Variants in SLC15A2 observed in about 807,000 individuals in gnomAD.
The protein encoded by SLC15A2 is kidney H(+)/peptide cotransporter.
A neutral mutation model predicts 95.5 loss-of-function variants in SLC15A2; 77 were observed. The observed-to-expected ratio is 0.81, with a 90% CI of 0.67 to 0.97. The LOEUF is 0.97. Among genes scored for constraint, SLC15A2 ranks in the 50% least tolerant of loss-of-function variants. The pLI is 0.00. For synonymous variants in SLC15A2, 306 were observed against 306.9 expected, an observed-to-expected ratio of 1.00 and a Z score of 0.03; for missense variants, 893 against 874.4, an observed-to-expected ratio of 1.02 and a Z score of -0.27.
chr3:121,936,414 G>T (rs1246778256), intron 19 of SLC15A2, among the ~76,000 whole-genome samples: 4 of 152,094 alleles, frequency 2.6e-5, no homozygotes, highest in African/African-American at 4.8e-5. Flanking sequence ...CTCTTTGTGG[G>T]TCACTGAGGA....
intron 7 of SLC15A2, among the ~76,000 whole-genome samples, chr3:121,917,734 G>C (rs1284080140): frequency 6.6e-6 from 1 of 151,888 alleles, no homozygotes; most frequent in Non-Finnish European, 1.5e-5. Flanking sequence ...ATAATACTTT[G>C]GGGATTGTAA....
At chr3:121,906,269 T>C (rs2951471) in intron 3 of SLC15A2, among the ~76,000 whole-genome samples, 1 of 151,916 alleles carries the variant, frequency 6.6e-6, no homozygotes, top group Admixed American at 6.6e-5. Context: ...CATGAGATGG[T>C]TCTCGTGAAT....
intron 4 of SLC15A2, 37 bp downstream of exon 4, chr3:121,911,703 T>G (rs757949184): frequency 7.8e-7 from 1 of 1,283,502 alleles, no homozygotes; most frequent in Non-Finnish European, 1.1e-6. Flanking sequence ...ACTACTTTTC[T>G]CAGACATTTG....
chr3:121,898,220 A>G (rs1358844317), intron 3 of SLC15A2, among the ~76,000 whole-genome samples: 1 of 151,414 alleles, frequency 6.6e-6, no homozygotes, highest in Non-Finnish European at 1.5e-5. Context: ...TACTTTCTCC[A>G]TCTCTTCTCC....
chr3:121,922,402 G>A, intron 8 of SLC15A2, 100 bp downstream of exon 8: 2 of 858,386 alleles, frequency 2.3e-6, no homozygotes, highest in Non-Finnish European at 3.7e-6. Context: ...TTTTCTCAAT[G>A]ACCTCTATTC....
intron 7 of SLC15A2, 141 bp from the exon 8 acceptor site, chr3:121,922,079 C>T: frequency 1.6e-6 from 1 of 617,006 alleles, no homozygotes; most frequent in Admixed American, 2.9e-5. Flanking sequence ...GTCCTTAGCG[C>T]TGATATACTG....
rs1710179456 is a variant in SLC15A2 at position 121,929,098 on chromosome 3, G to A, written c.1458G>A (p.Trp486Ter). The change falls in exon 16 of 22, where the codon TGG becomes TGA. Residue 486 changes from tryptophan to a stop codon, truncating the protein, a stop_gained. Coordinates refer to ENST00000489711, the MANE Select transcript of SLC15A2 (RefSeq NM_021082.4). LOFTEE classifies it high-confidence loss of function. ...AGCATTCTGTGCAGGAGAAGAACTG[G>A]TACAGTCTTGTCATTCGTGAAGATG... ...YTEHSVQEKN[W>*]YSLVIREDGN... 2 of 1,613,992 alleles carry A rather than the reference G, an allele frequency of 1.2e-6. No individual in the cohort carries two copies. The highest frequency in any genetic ancestry group is 1.7e-6 in the Non-Finnish European group (2 of 1,179,930).
intron 13 of SLC15A2, among the ~76,000 whole-genome samples, chr3:121,925,736 A>G (rs1227353320): frequency 2.1e-4 from 4 of 19,030 alleles, no homozygotes; most frequent in African/African-American, 2.1e-4. Context: ...CTATATATAT[A>G]TATATATATA....
chr3:121,915,677 C>A lies in SLC15A2; in HGVS notation c.681C>A (p.Leu227=). 1.2e-6 allele frequency: 2 copies of A among 1,613,230 alleles called. No homozygotes were observed. The highest frequency in any genetic ancestry group is 1.7e-6 in the Non-Finnish European group (2 of 1,179,256). ...YALAFGVPGL[L]MVIALVVFAM... Reference sequence around the variant, plus strand: ...TGGCTTTTGGAGTTCCAGGACTGCTCATGGTAATTGCACTTGGTAAGTGCA... The same window carrying A: ...TGGCTTTTGGAGTTCCAGGACTGCTAATGGTAATTGCACTTGGTAAGTGCA... Residue 227 remains leucine (L), a synonymous_variant, in exon 7 of 22, where the codon CTC becomes CTA. Transcript: ENST00000489711.
intron 15 of SLC15A2, 52 bp downstream of exon 15, chr3:121,928,607 G>A (rs1710168935): frequency 6.4e-7 from 1 of 1,562,362 alleles, no homozygotes; most frequent in Admixed American, 1.9e-5. Flanking sequence ...TATTGATCTT[G>A]ATTTTTCCTT....
At chr3:121,902,544 G>C (rs2332053) in intron 3 of SLC15A2, among the ~76,000 whole-genome samples, 6 of 151,270 alleles carry the variant, frequency 4.0e-5, no homozygotes, top group African/African-American at 1.5e-4. Flanking sequence ...CATGTGTGAC[G>C]TTCCCCGCCT....
At chr3:121,908,194 C>T (rs1192679643) in intron 3 of SLC15A2, among the ~76,000 whole-genome samples, 2 of 152,256 alleles carry the variant, frequency 1.3e-5, no homozygotes, top group Non-Finnish European at 2.9e-5. Context: ...AAGCCAGGCG[C>T]AGGATATAAT....
chr3:121,904,743 T>G (rs1421742493), intron 3 of SLC15A2, among the ~76,000 whole-genome samples: 1 of 152,206 alleles, frequency 6.6e-6, no homozygotes, highest in African/African-American at 2.4e-5. Context: ...TGCTGCTGGA[T>G]TCGGTTTGCC....
At chr3:121,911,372 G>A (rs980083471) in intron 3 of SLC15A2, among the ~76,000 whole-genome samples, 2 of 152,152 alleles carry the variant, frequency 1.3e-5, no homozygotes, top group Non-Finnish European at 2.9e-5. Context: ...ACTAAAGAGT[G>A]AAGAATTCCA....
At chr3:121,922,058 T>G (rs1001418715) in intron 7 of SLC15A2, among the ~76,000 whole-genome samples, 162 bp from the exon 8 acceptor site, 1 of 152,224 alleles carries the variant, frequency 6.6e-6, no homozygotes. Context: ...ACTCCCACAG[T>G]TCAGCATTCT....
chr3:121,933,698 C>T (rs1030749160), intron 19 of SLC15A2, among the ~76,000 whole-genome samples: 2 of 152,064 alleles, frequency 1.3e-5, no homozygotes, highest in Non-Finnish European at 2.9e-5. Flanking sequence ...AAAATTTTCT[C>T]CCATTTTTTA....
rs143088879 is a variant in SLC15A2, at chr3:121,940,897, T to C, written c.2080T>C (p.Tyr694His). The change falls in exon 22 of 22, where the codon TAC (tyrosine) becomes CAC (histidine). Residue 694 changes from tyrosine (Y) to histidine (H), a missense_variant. Tyr to His is a moderately conservative substitution (Grantham distance 83). Coordinates refer to ENST00000489711, the MANE Select transcript of SLC15A2 (RefSeq NM_021082.4). The stretch of plus-strand genomic sequence containing the variant: ...CTGCCTGATCTTCTCCATCATGGGC[T>C]ACTACTATGTTCCTGTAAAGACAGA... ...VICLIFSIMG[Y>H]YYVPVKTEDM... is the part of the protein sequence containing the mutation. 72 of 1,614,194 alleles carry C rather than the reference T, an allele frequency of 4.5e-5. No individual in the cohort carries two copies. The African/African-American group carries it at 8.1e-4, about 18-fold the overall frequency.
intron 4 of SLC15A2, among the ~76,000 whole-genome samples, chr3:121,912,334 A>G (rs550554840): frequency 1.3e-5 from 2 of 152,190 alleles, no homozygotes; most frequent in South Asian, 4.2e-4. Context: ...CCTGGGTTCA[A>G]GTGATTCTCC....
At position 121,901,945 on chromosome 3, in the gene SLC15A2, A is replaced by C. The variant is rs547164249; in HGVS notation, c.335+4416A>C. ...CATTAGAAAGATTGTTCAAACCCTGAAGGGGCAATTTCCTGAAGTTAGTAA... is the reference window on the plus strand; with the variant it reads ...CATTAGAAAGATTGTTCAAACCCTGCAGGGGCAATTTCCTGAAGTTAGTAA... On this transcript the variant is annotated intron_variant, in intron 3 of 21. Transcript: ENST00000489711. Among the ~76,000 whole-genome samples the C allele has an allele frequency of 2.9e-4, 44 of 152,284 alleles. No individual in the cohort carries two copies. In the South Asian group the frequency reaches 6.8e-3, roughly 24 times the overall value.
Sources: gnomAD v4.1 joint callset for allele counts (sites outside exome capture counted in the v4.1 genomes callset) on GRCh38, gnomAD v4.1.1 for gene constraint, MANE v1.5 for transcripts, NCBI Gene and HGNC (gene_info 2026-07-23, HGNC 2026-07-21) for gene names.